ENOX1: variants seen among roughly 807,000 people sequenced by gnomAD.
The protein encoded by ENOX1 is ecto-NOX disulfide-thiol exchanger 1.
Under a neutral mutation model 82.5 loss-of-function variants are expected in ENOX1, and 42 were observed. The observed-to-expected ratio is 0.51, with a 90% CI of 0.40 to 0.66. ENOX1 has a LOEUF of 0.66. Ranked by LOEUF, ENOX1 falls within the 30% of genes least tolerant of loss-of-function variation. The pLI, the probability that ENOX1 is intolerant of heterozygous loss-of-function variation, is 0.00. For missense variants in ENOX1, 608 were observed against 811.6 expected, an observed-to-expected ratio of 0.75 and a Z score of 3.05; for synonymous variants, 271 against 282.2, an observed-to-expected ratio of 0.96 and a Z score of 0.40.
At chr13:43,260,251 G>A (rs1398432524) in intron 14 of ENOX1, among the ~76,000 whole-genome samples, 1 of 152,228 alleles carries the variant, frequency 6.6e-6, no homozygotes, top group Non-Finnish European at 1.5e-5. Context: ...TCTTAAGGAG[G>A]TGACGTGAAA....
At chr13:43,506,554 C>T (rs532028662) in intron 2 of ENOX1, among the ~76,000 whole-genome samples, 1 of 134,928 alleles carries the variant, frequency 7.4e-6, no homozygotes, top group Non-Finnish European at 1.7e-5. Context: ...TATTGTGGCA[C>T]TATTCACAAT....
At chr13:43,747,927 A>G (rs1950115434) in intron 1 of ENOX1, among the ~76,000 whole-genome samples, 1 of 152,214 alleles carries the variant, frequency 6.6e-6, no homozygotes, top group Non-Finnish European at 1.5e-5. Context: ...TCAAGTAGGA[A>G]TTTAGACAAC....
chr13:43,263,376 C>T (rs775443423), intron 14 of ENOX1, among the ~76,000 whole-genome samples: 2 of 152,186 alleles, frequency 1.3e-5, no homozygotes, highest in African/African-American at 4.8e-5. Flanking sequence ...GCCAGAACCC[C>T]ATCTCTCAAC....
intron 16 of ENOX1, among the ~76,000 whole-genome samples, chr13:43,218,073 C>G (rs2041584897): frequency 6.6e-6 from 1 of 152,160 alleles, no homozygotes; most frequent in South Asian, 2.1e-4. Context: ...GTTAAATAAG[C>G]TGTCCAAGGT....
intron 1 of ENOX1, among the ~76,000 whole-genome samples, chr13:43,763,951 G>C (rs979961522): frequency 1.3e-5 from 2 of 152,166 alleles, no homozygotes; most frequent in African/African-American, 4.8e-5. Flanking sequence ...TTGTATCCTA[G>C]ACCTATGAGA....
At chr13:43,597,770 A>T (rs1446247632) in intron 2 of ENOX1, among the ~76,000 whole-genome samples, 1 of 152,082 alleles carries the variant, frequency 6.6e-6, no homozygotes. Context: ...GGCCCTATAC[A>T]ATGTACTGGG....
intron 1 of ENOX1, among the ~76,000 whole-genome samples, chr13:43,749,498 G>C (rs1950198823): frequency 6.6e-6 from 1 of 152,238 alleles, no homozygotes; most frequent in African/African-American, 2.4e-5. Flanking sequence ...CCTTGGAGAA[G>C]AGAGCCATGG....
chr13:43,425,467 T>C (rs754791445), intron 3 of ENOX1, among the ~76,000 whole-genome samples: 2 of 152,208 alleles, frequency 1.3e-5, no homozygotes, highest in South Asian at 2.1e-4. Context: ...TCCTTTTCAA[T>C]AGGAGGAGAT....
In ENOX1 at chr13:43,480,186, G is replaced by A. The variant is rs145863333; in HGVS notation, c.-75+3823C>T. Among the ~76,000 whole-genome samples the A allele has an allele frequency of 4.7e-3, 709 of 152,098 alleles. 6 individuals carry two copies. Among genetic ancestry groups the A allele is most frequent in the Non-Finnish European group, 8.1e-3 (550 of 67,962 alleles). On this transcript the variant is annotated intron_variant, in intron 3 of 16. Coordinates refer to ENST00000690772, the MANE Select transcript of ENOX1 (RefSeq NM_001347969.2). ...ACTCCTGACCTCAGGTGATCCACCCGCCTCGGCCTCCCAAAGTGCTTCAAT... is the reference window on the plus strand; with the variant it reads ...ACTCCTGACCTCAGGTGATCCACCCACCTCGGCCTCCCAAAGTGCTTCAAT...
At chr13:43,441,317 T>C (rs1314938855) in intron 3 of ENOX1, among the ~76,000 whole-genome samples, 4 of 152,348 alleles carry the variant, frequency 2.6e-5, no homozygotes, top group African/African-American at 7.2e-5. Flanking sequence ...AGTTAACTGA[T>C]TGAAATTACA....
At chr13:43,553,401 C>G (rs997123416) in intron 2 of ENOX1, among the ~76,000 whole-genome samples, 1 of 152,154 alleles carries the variant, frequency 6.6e-6, no homozygotes, top group South Asian at 2.1e-4. Flanking sequence ...GGGCTTGACA[C>G]TTGGTTGCTC....
chr13:43,682,660 A>G (rs988458554), intron 1 of ENOX1, among the ~76,000 whole-genome samples: 2 of 152,144 alleles, frequency 1.3e-5, no homozygotes, highest in Admixed American at 6.6e-5. Context: ...GAAAGAGTTG[A>G]GCCAAGATTT....
chr13:43,648,934 A>C (rs752346973), intron 2 of ENOX1, among the ~76,000 whole-genome samples: 26 of 152,202 alleles, frequency 1.7e-4, no homozygotes, highest in Non-Finnish European at 3.2e-4. Context: ...TGTATCAGCG[A>C]CACTGGCTCT....
intron 1 of ENOX1, among the ~76,000 whole-genome samples, chr13:43,785,903 C>T (rs1341807342): frequency 6.6e-6 from 1 of 152,040 alleles, no homozygotes; most frequent in Non-Finnish European, 1.5e-5. Context: ...GAGGCTCGCA[C>T]GTGTCGGGTC....
intron 2 of ENOX1, among the ~76,000 whole-genome samples, chr13:43,613,046 A>AT (rs528908054): frequency 3.3e-5 from 5 of 152,156 alleles, no homozygotes; most frequent in Non-Finnish European, 5.9e-5. Context: ...CATTGTATAC[A>AT]TTTTTTTAAA....
At chr13:43,314,808 A>C (rs1410744377) in intron 11 of ENOX1, among the ~76,000 whole-genome samples, 1 of 152,164 alleles carries the variant, frequency 6.6e-6, no homozygotes, top group Non-Finnish European at 1.5e-5. Flanking sequence ...CATTCAAGGG[A>C]CCTAAAAGAT....
rs113940220 is a variant in ENOX1, at chr13:43,216,004, G to A, written c.1801-1883C>T. On this transcript the variant is annotated intron_variant, in intron 16 of 16. Transcript: ENST00000690772. The stretch of plus-strand genomic sequence containing the variant: ...GAGGTCAGGAGATCGAGGCCATCTT[G>A]GCTAACATGGTAAAACCCTGTCTCT... Among the ~76,000 whole-genome samples the A allele has an allele frequency of 5.0e-3, 757 of 152,242 alleles. 3 individuals carry two copies. The highest frequency in any genetic ancestry group is 0.017 in the African/African-American group (720 of 41,534).
intron 11 of ENOX1, among the ~76,000 whole-genome samples, chr13:43,309,614 T>C (rs1432405452): frequency 6.6e-6 from 1 of 152,188 alleles, no homozygotes; most frequent in African/African-American, 2.4e-5. Flanking sequence ...CTTCTTTTTA[T>C]CCCCAGAGTT....
At chr13:43,713,196 T>A (rs1392333611) in intron 1 of ENOX1, among the ~76,000 whole-genome samples, 1 of 152,224 alleles carries the variant, frequency 6.6e-6, no homozygotes, top group Admixed American at 6.5e-5. Context: ...TTTGGTTCTG[T>A]TTATATGCTG....
Sources: allele counts gnomAD v4.1 joint callset (sites outside exome capture counted in the v4.1 genomes callset), GRCh38; gene constraint gnomAD v4.1.1; transcripts MANE v1.5; gene names NCBI Gene and HGNC (gene_info 2026-07-23, HGNC 2026-07-21).